GET4: variants seen among roughly 807,000 people sequenced by gnomAD.
The protein encoded by GET4 is Golgi to ER traffic protein 4 homolog.
A neutral mutation model predicts 40.0 loss-of-function variants in GET4; 20 were observed. The ratio of observed to expected loss-of-function variants is 0.50; its 90% CI spans 0.35 to 0.73. GET4 has a LOEUF of 0.73. GET4 is among the 30% of genes least tolerant of loss of function. GET4 has a pLI of 0.01. For missense variants in GET4, 557 were observed against 454.0 expected, an observed-to-expected ratio of 1.23 and a Z score of -2.06; for synonymous variants, 280 against 194.6, an observed-to-expected ratio of 1.44 and a Z score of -3.65.
chr7:893,152 G>A (rs1844372898), intron 6 of GET4, among the ~76,000 whole-genome samples: 1 of 147,136 alleles, frequency 6.8e-6, no homozygotes, highest in Non-Finnish European at 1.5e-5. Flanking sequence ...GGTGAGTGTT[G>A]GGTGTAGGCG....
intron 3 of GET4, 191 bp from the exon 4 acceptor site, chr7:887,179 G>T: frequency 1.3e-6 from 1 of 753,394 alleles, no homozygotes; most frequent in South Asian, 1.4e-5. Context: ...TCCTCGCTGT[G>T]CTCTGGGGCA....
intron 6 of GET4, among the ~76,000 whole-genome samples, chr7:893,045 GTGTT>G (rs1396619981): frequency 5.4e-5 from 8 of 148,196 alleles, no homozygotes; most frequent in African/African-American, 1.8e-4. Flanking sequence ...GTGCAGGTGA[GTGTT>G]GGGTGTGGGC....
At chr7:885,365 T>C (rs1844166333) in intron 1 of GET4, 2 of 152,364 alleles carry the variant, frequency 1.3e-5, no homozygotes, top group African/African-American at 4.8e-5. Flanking sequence ...AGTGCGGCCA[T>C]CTCGGCTTCT....
chr7:889,602 C>T (rs567302192), intron 4 of GET4, among the ~76,000 whole-genome samples: 71 of 152,036 alleles, frequency 4.7e-4, no homozygotes, highest in African/African-American at 5.1e-4. Context: ...ATCTGCACCA[C>T]GAGAAGGGCT....
chr7:895,195 T>C, intron 8 of GET4, 139 bp from the exon 9 acceptor site: 1 of 524,334 alleles, frequency 1.9e-6, no homozygotes, highest in Admixed American at 3.4e-5. Flanking sequence ...GGTTCCTGGG[T>C]CGTAGACAGT....
At chr7:881,308 G>C (rs992663865) in intron 1 of GET4, 8 of 152,180 alleles carry the variant, frequency 5.3e-5, no homozygotes, top group African/African-American at 1.9e-4. Flanking sequence ...GGCACTGTGG[G>C]GCTCTGCAAC....
At chr7:889,522 C>T (rs912254026) in intron 4 of GET4, among the ~76,000 whole-genome samples, 2 of 152,002 alleles carry the variant, frequency 1.3e-5, no homozygotes, top group African/African-American at 4.8e-5. Context: ...GCCCTGGAGG[C>T]TCCTGTTGGG....
Position 893,961 on chromosome 7 carries a change from G to A in GET4, c.885G>A (p.Gly295=), listed in dbSNP as rs565062498. The change falls in exon 8 of 9, where the codon GGG becomes GGA. Residue 295 remains glycine, a synonymous_variant. Coordinates refer to ENST00000265857, the MANE Select transcript of GET4 (RefSeq NM_015949.3). ...CGCCCAAGCAGACGTCTTCCTACGGGGGCCTGCTCGGTAAGCCGGGGCGCC... is the reference window on the plus strand; with the variant it reads ...CGCCCAAGCAGACGTCTTCCTACGGAGGCCTGCTCGGTAAGCCGGGGCGCC... ...GVPPKQTSSY[G]GLLGNLLTSL... The A allele has an allele frequency of 2.5e-6, 4 of 1,597,054 alleles. No individual in the cohort carries two copies. The highest frequency in any genetic ancestry group is 3.4e-6 in the Non-Finnish European group (4 of 1,170,044).
Position 887,470 on chromosome 7 carries a change from G to T in GET4, c.417G>T (p.Lys139Asn). The T allele has an allele frequency of 6.3e-7, 1 of 1,589,574 alleles. No homozygotes were observed. The highest frequency in any genetic ancestry group is 8.6e-7 in the Non-Finnish European group (1 of 1,166,036). Reference protein sequence around the residue: ...ALKWSSGGSGKLGHPRLHQLL... With the variant: ...ALKWSSGGSGNLGHPRLHQLL... The stretch of plus-strand genomic sequence containing the variant: ...AGTGGTCCAGTGGGGGCTCCGGGAA[G>T]CTGGGCCACCCCCGGCTGCACCAGC... Residue 139 changes from lysine (K) to asparagine (N), a missense_variant, in exon 4 of 9, where the codon AAG becomes AAT. Transcript: ENST00000265857.
rs770242632 is a variant in GET4 at position 892,405 on chromosome 7, C to A, written c.733C>A (p.Leu245Met). The change falls in exon 6 of 9, where the codon CTG (leucine) becomes ATG (methionine). Residue 245 changes from leucine (L) to methionine (M), a missense_variant. Leu to Met is a conservative substitution (Grantham distance 15). Transcript: ENST00000265857. ...GCTTAACTTCATCTGGTTCCTGCTG[C>A]TGGCTGTGGACGGGTGCGTCTTGGG... ...PLLNFIWFLL[L>M]AVDGGKLTVF... 2 of 1,589,612 alleles carry A rather than the reference C, an allele frequency of 1.3e-6. No homozygotes were observed. The highest frequency in any genetic ancestry group is 1.7e-6 in the Non-Finnish European group (2 of 1,160,280).
At chr7:881,511 C>G (rs1170824970) in intron 1 of GET4, 1 of 151,378 alleles carries the variant, frequency 6.6e-6, no homozygotes, top group African/African-American at 2.5e-5. Flanking sequence ...GTCCGCAGTT[C>G]CTTTTATCGC....
intron 8 of GET4, 96 bp downstream of exon 8, chr7:894,067 G>A: frequency 3.0e-6 from 2 of 676,644 alleles, no homozygotes; most frequent in Non-Finnish European, 2.4e-6. Flanking sequence ...CCTTCACGTG[G>A]AAGTGGTTTT....
intron 1 of GET4, chr7:885,760 C>A (rs1210962236): frequency 2.5e-6 from 1 of 397,566 alleles, no homozygotes; most frequent in Non-Finnish European, 4.6e-6. Flanking sequence ...AGTGGCCTTT[C>A]TGGTCCCAGC....
At chr7:884,333 G>A (rs1436343578) in intron 1 of GET4, 2 of 1,304,160 alleles carry the variant, frequency 1.5e-6, no homozygotes, top group Non-Finnish European at 2.0e-6. Context: ...CTGCAGGACT[G>A]GAACTAGGAC....
intron 4 of GET4, among the ~76,000 whole-genome samples, chr7:888,301 A>G (rs1844236288): frequency 6.6e-6 from 1 of 152,156 alleles, no homozygotes. Flanking sequence ...GTGGCGCGGG[A>G]GCAGCTGCAT....
At chr7:892,556 G>A (rs1844351203) in intron 6 of GET4, 138 bp downstream of exon 6, 2 of 834,494 alleles carry the variant, frequency 2.4e-6, no homozygotes, top group South Asian at 1.6e-5. Flanking sequence ...CATAGGGTAT[G>A]AGTGCTGGGT....
intron 8 of GET4, 94 bp from the exon 9 acceptor site, chr7:895,240 C>T (rs371118281): frequency 3.0e-6 from 2 of 665,102 alleles, no homozygotes; most frequent in Non-Finnish European, 5.5e-6. Context: ...CCATGGGACA[C>T]TGGGACACCT....
Position 892,338 on chromosome 7 carries a change from G to A in GET4, c.666G>A (p.Lys222=), listed in dbSNP as rs763298742. 8 of 1,596,550 alleles carry A rather than the reference G, an allele frequency of 5.0e-6. No individual in the cohort carries two copies. The East Asian group carries it at 1.6e-4, about 32-fold the overall frequency. ...TGGTCTTCACGACGTACACCCAGAA[G>A]CACCCGTCCATCGAGGACGGGCCTC... is the stretch of plus-strand genomic sequence containing the variant. ...ASVVFTTYTQ[K]HPSIEDGPPF... The change falls in exon 6 of 9, where the codon AAG becomes AAA. Residue 222 remains lysine (K), a synonymous_variant. Transcript: ENST00000265857.
At chr7:886,917 ACAGTGGCCTCCCCGC>A in intron 3 of GET4, 1 of 548,882 alleles carries the variant, frequency 1.8e-6, no homozygotes. Flanking sequence ...GCTCCGATGG[ACAGTGGCCTCCCCGC>A]CAGCTGGCAA....
Sources: allele counts gnomAD v4.1 joint callset (sites outside exome capture counted in the v4.1 genomes callset), GRCh38; gene constraint gnomAD v4.1.1; transcripts MANE v1.5; gene names NCBI Gene and HGNC (gene_info 2026-07-23, HGNC 2026-07-21).